Variants in GRM8 observed in about 807,000 individuals in gnomAD.
The protein encoded by GRM8 is glutamate metabotropic receptor 8, also known as metabotropic glutamate receptor 8.
Under a neutral mutation model 87.2 loss-of-function variants are expected in GRM8, and 47 were observed. The observed-to-expected ratio is 0.54, with a 90% CI of 0.43 to 0.69. The LOEUF (loss-of-function observed/expected upper bound fraction) is 0.69, where lower values mean the gene tolerates loss of function less well. GRM8 is among the 30% of genes least tolerant of loss of function. The pLI is 0.00. For missense variants in GRM8, 1,019 were observed against 1,139.2 expected (o/e 0.89, Z 1.52); for synonymous variants, 396 against 404.5 (o/e 0.98, Z 0.25).
At chr7:126,486,680 C>T (rs539854828) in intron 9 of GRM8, among the ~76,000 whole-genome samples, 1 of 152,128 alleles carries the variant, frequency 6.6e-6, no homozygotes, top group South Asian at 2.1e-4. Context: ...TTGATATTTA[C>T]CATATTTGAA....
intron 8 of GRM8, among the ~76,000 whole-genome samples, chr7:126,578,354 A>G (rs1353974557): frequency 6.6e-6 from 1 of 152,160 alleles, no homozygotes; most frequent in Non-Finnish European, 1.5e-5. Context: ...GATCGAATGG[A>G]AATAACAGAA....
chr7:127,202,751 G>C (rs190129280), intron 2 of GRM8, among the ~76,000 whole-genome samples: 2 of 151,846 alleles, frequency 1.3e-5, no homozygotes, highest in African/African-American at 4.8e-5. Context: ...CACCACACAA[G>C]GAAAATATCC....
At chr7:126,557,777 A>G (rs1793305065) in intron 8 of GRM8, among the ~76,000 whole-genome samples, 1 of 152,156 alleles carries the variant, frequency 6.6e-6, no homozygotes, top group Non-Finnish European at 1.5e-5. Flanking sequence ...ATGACAAAGT[A>G]CGTATATATG....
At chr7:127,045,793 T>A (rs1280874039) in intron 3 of GRM8, among the ~76,000 whole-genome samples, 1 of 152,192 alleles carries the variant, frequency 6.6e-6, no homozygotes, top group African/African-American at 2.4e-5. Context: ...TACTGAAGCT[T>A]TTTTACAAAT....
chr7:126,521,787 T>C (rs1813021879), intron 9 of GRM8, among the ~76,000 whole-genome samples: 1 of 152,206 alleles, frequency 6.6e-6, no homozygotes, highest in Admixed American at 6.5e-5. Flanking sequence ...AAACTGATTA[T>C]ATATTTAAAT....
chr7:127,001,907 T>C (rs1813766719), intron 3 of GRM8, among the ~76,000 whole-genome samples: 1 of 151,642 alleles, frequency 6.6e-6, no homozygotes, highest in South Asian at 2.1e-4. Context: ...CATGAATGAA[T>C]TTCAAAAACA....
At chr7:126,770,996 A>T (rs1441248205) in intron 6 of GRM8, among the ~76,000 whole-genome samples, 2 of 152,052 alleles carry the variant, frequency 1.3e-5, no homozygotes, top group African/African-American at 4.8e-5. Context: ...AAAAATTATG[A>T]AAGGGACATC....
intron 7 of GRM8, among the ~76,000 whole-genome samples, chr7:126,757,734 A>C (rs895783221): frequency 6.6e-6 from 1 of 152,140 alleles, no homozygotes; most frequent in African/African-American, 2.4e-5. Context: ...CAAAGGAAAG[A>C]GGGTCTCTTT....
At chr7:126,609,246 T>C (rs747938081) in intron 8 of GRM8, 116 bp downstream of exon 8, 9 of 675,932 alleles carry the variant, frequency 1.3e-5, no homozygotes, top group Non-Finnish European at 2.2e-5. Flanking sequence ...AAGTCATACA[T>C]TTTCTAAGAG....
chr7:126,680,686 C>T (rs1285290971), intron 7 of GRM8, among the ~76,000 whole-genome samples: 1 of 152,122 alleles, frequency 6.6e-6, no homozygotes, highest in Non-Finnish European at 1.5e-5. Flanking sequence ...TGTCTATCTG[C>T]CCTGGTGCAC....
intron 6 of GRM8, among the ~76,000 whole-genome samples, chr7:126,832,024 T>G (rs746560746): frequency 4.6e-5 from 7 of 152,082 alleles, no homozygotes; most frequent in Non-Finnish European, 1.0e-4. Flanking sequence ...AAGTGCAGAC[T>G]TATATAACTG....
At chr7:126,702,855 C>T (rs900870329) in intron 7 of GRM8, among the ~76,000 whole-genome samples, 2 of 152,046 alleles carry the variant, frequency 1.3e-5, no homozygotes, top group African/African-American at 4.8e-5. Context: ...TCACAGAATG[C>T]TAAGTGATAA....
At chr7:126,895,120 GCA>G (rs1025702737) in intron 6 of GRM8, among the ~76,000 whole-genome samples, 1 of 151,546 alleles carries the variant, frequency 6.6e-6, no homozygotes, top group Non-Finnish European at 1.5e-5. Flanking sequence ...AGAAAAACAC[GCA>G]CACACACACA....
chr7:126,812,721 C>T (rs527649941), intron 6 of GRM8, among the ~76,000 whole-genome samples: 1 of 152,122 alleles, frequency 6.6e-6, no homozygotes, highest in South Asian at 2.1e-4. Context: ...AACTGAGGTA[C>T]CATCAGCTCA....
intron 6 of GRM8, among the ~76,000 whole-genome samples, chr7:126,826,137 T>A (rs1375521990): frequency 1.3e-5 from 2 of 151,906 alleles, no homozygotes; most frequent in African/African-American, 4.8e-5. Context: ...ACATTTGGGT[T>A]GGTTCCAAGT....
chr7:126,827,165 G>C (rs1794892736), intron 6 of GRM8, among the ~76,000 whole-genome samples: 1 of 152,178 alleles, frequency 6.6e-6, no homozygotes, highest in Admixed American at 6.5e-5. Context: ...CTTCAGCTTT[G>C]TTCTTTTGGC....
At chr7:127,124,182 CCAAACT>C (rs1827237103) in intron 2 of GRM8, among the ~76,000 whole-genome samples, 1 of 152,166 alleles carries the variant, frequency 6.6e-6, no homozygotes, top group Non-Finnish European at 1.5e-5. Flanking sequence ...CCTTTTACAA[CCAAACT>C]TTAAAATTTC....
chr7:126,892,397 TG>T (rs1801129702), intron 6 of GRM8, among the ~76,000 whole-genome samples: 1 of 152,138 alleles, frequency 6.6e-6, no homozygotes, highest in Admixed American at 6.6e-5. Flanking sequence ...TTTGGTTTTT[TG>T]TTCCTGCAAT....
chr7:126,765,766 C>G (rs140147440), intron 7 of GRM8, among the ~76,000 whole-genome samples: 2 of 152,114 alleles, frequency 1.3e-5, no homozygotes, highest in South Asian at 2.1e-4. Flanking sequence ...AAAGGAAAGT[C>G]TTTGTTTCCT....
Sources: gnomAD v4.1 joint callset for allele counts (sites outside exome capture counted in the v4.1 genomes callset) on GRCh38, gnomAD v4.1.1 for gene constraint, MANE v1.5 for transcripts, NCBI Gene and HGNC (gene_info 2026-07-23, HGNC 2026-07-21) for gene names.